MB: variants seen among roughly 807,000 people sequenced by gnomAD.
MB encodes myoglobin.
In MB, 10 loss-of-function variants were observed where a neutral mutation model predicts 14.5. The observed-to-expected ratio is 0.69, with a 90% confidence interval of 0.43 to 1.17. The LOEUF is 1.17. MB is among the 50% of genes most tolerant of loss of function. The pLI is 0.00. For missense variants in MB, 169 were observed against 192.7 expected, an observed-to-expected ratio of 0.88 and a Z score of 0.73; for synonymous variants, 89 against 78.6, an observed-to-expected ratio of 1.13 and a Z score of -0.70.
In MB at chr22:35,611,046, T is replaced by C. The variant is rs1601842466; in HGVS notation, c.156A>G (p.Ser52=). The C allele has an allele frequency of 6.2e-7, 1 of 1,614,172 alleles. No homozygotes were observed. The highest frequency in any genetic ancestry group is 8.5e-7 in the Non-Finnish European group (1 of 1,180,020). The change falls in exon 2 of 3, where the codon TCA becomes TCG. Residue 52 remains serine, a synonymous_variant. Transcript: ENST00000397326. ...CCTCAGACGCCTTCATCTCGTCCTC[T>C]GACTTCAGGTGCTTGAACTTGTCAA... The part of the protein sequence containing the change: ...EKFDKFKHLK[S]EDEMKASEDL...
intron 1 of MB, among the ~76,000 whole-genome samples, chr22:35,611,370 A>G (rs1922615521): frequency 6.6e-6 from 1 of 152,098 alleles, no homozygotes; most frequent in East Asian, 1.9e-4. Context: ...CATTTTACAG[A>G]TGTGGAAACC....
intron 1 of MB, among the ~76,000 whole-genome samples, chr22:35,616,521 T>C (rs975841549): frequency 1.3e-5 from 2 of 152,230 alleles, no homozygotes; most frequent in African/African-American, 4.8e-5. Flanking sequence ...TAATAGCTAC[T>C]AACATTTCTA....
In MB at chr22:35,617,188, C is replaced by CT; in HGVS notation, c.69dup (p.Gly24ArgfsTer12). ...CTGATGAGGACTTCCTGCCCATGGC[C>CT]TGGGATGTCAGCCTCCACCTTCCCC... On this transcript the variant is annotated frameshift_variant, in exon 1 of 3. Coordinates refer to ENST00000397326, the MANE Select transcript of MB (RefSeq NM_005368.3). LOFTEE classifies it high-confidence loss of function. 6.2e-7 allele frequency: 1 copy of CT among 1,614,094 alleles called. No homozygotes were observed. Among genetic ancestry groups the CT allele is most frequent in the South Asian group, 1.1e-5 (1 of 91,082 alleles).
intron 1 of MB, among the ~76,000 whole-genome samples, chr22:35,615,275 C>G (rs1392612786): frequency 6.6e-6 from 1 of 152,194 alleles, no homozygotes; most frequent in African/African-American, 2.4e-5. Flanking sequence ...ACCCTGCCCC[C>G]AGGGAGGCCA....
At chr22:35,618,495 C>T (rs1923245118), upstream of MB, among the ~76,000 whole-genome samples, 1 of 152,216 alleles carries the variant, frequency 6.6e-6, no homozygotes. Flanking sequence ...ACTTGTCCAT[C>T]CAGTTACTCA....
chr22:35,620,731 A>T (rs984230105), upstream of MB, among the ~76,000 whole-genome samples: 1 of 152,170 alleles, frequency 6.6e-6, no homozygotes, highest in African/African-American at 2.4e-5. Flanking sequence ...TGCCCTCCCG[A>T]GAGTGTCAGA....
At position 35,608,526 on chromosome 22, in the gene MB, C is replaced by T. The variant is rs551608706; in HGVS notation, c.319-1083G>A. On this transcript the variant is annotated intron_variant, in intron 2 of 2. Coordinates refer to ENST00000397326, the MANE Select transcript of MB (RefSeq NM_005368.3). The surrounding 1 kb of genome is among the most constrained non-coding windows in gnomAD (Gnocchi z 4.3). ...GAGGCCTCAAGAAGCATCAACACCC[C>T]ATAAGCCCCTCTGCTGGGAAAGAGG... Among the ~76,000 whole-genome samples the T allele has an allele frequency of 6.6e-6, 1 of 152,298 alleles. No homozygotes were observed. The highest frequency in any genetic ancestry group is 2.1e-4 in the South Asian group (1 of 4,820).
intron 1 of MB, among the ~76,000 whole-genome samples, chr22:35,611,341 G>A (rs1461828684): frequency 6.6e-6 from 1 of 152,206 alleles, no homozygotes; most frequent in East Asian, 1.9e-4. Flanking sequence ...CTGGCACATA[G>A]TGAGTGTCAT....
upstream of MB, among the ~76,000 whole-genome samples, chr22:35,619,223 A>G (rs1251190208): frequency 6.6e-6 from 1 of 152,220 alleles, no homozygotes; most frequent in Non-Finnish European, 1.5e-5. Context: ...AATACAGTAC[A>G]GTTTGTTTAG....
chr22:35,614,959 A>C (rs1922954648), intron 1 of MB, among the ~76,000 whole-genome samples: 1 of 152,204 alleles, frequency 6.6e-6, no homozygotes, highest in Non-Finnish European at 1.5e-5. Flanking sequence ...TTGAGTAAAG[A>C]AAGGAAAAAC....
intron 1 of MB, among the ~76,000 whole-genome samples, chr22:35,613,659 C>A (rs769056178): frequency 1.3e-4 from 17 of 135,550 alleles, no homozygotes; most frequent in South Asian, 2.6e-4. Flanking sequence ...CCACGCCCAG[C>A]TAATTTTGTT....
At chr22:35,618,739 T>C (rs966649312), upstream of MB, among the ~76,000 whole-genome samples, 1 of 151,436 alleles carries the variant, frequency 6.6e-6, no homozygotes, top group African/African-American at 2.4e-5. Flanking sequence ...CCTCCATCTA[T>C]CCATCTATCC....
In MB at chr22:35,610,997, C is replaced by T. The variant is rs760160691; in HGVS notation, c.205G>A (p.Val69Met). 5.3e-5 allele frequency: 85 copies of T among 1,613,758 alleles called. No homozygotes were observed. Among genetic ancestry groups the T allele is most frequent in the Non-Finnish European group, 6.9e-5 (81 of 1,179,744 alleles). ...AGGATGCCACCCAGGGCGGTGAGCA[C>T]GGTGGCACCATGCTTCTTTAAGTCC... Reference protein sequence around the residue: ...SEDLKKHGATVLTALGGILKK... With the variant: ...SEDLKKHGATMLTALGGILKK... Residue 69 changes from valine to methionine, a missense_variant, in exon 2 of 3, where the codon GTG (valine) becomes ATG (methionine). By Grantham distance (21) the Val-to-Met change is conservative. Transcript: ENST00000397326.
At chr22:35,621,327 C>A (rs943264097), upstream of MB, among the ~76,000 whole-genome samples, 21 of 152,154 alleles carry the variant, frequency 1.4e-4, no homozygotes, top group Non-Finnish European at 1.6e-4. Context: ...TCACAGGATC[C>A]TTTGAATCCA....
At chr22:35,607,707 C>T (rs994337183) in intron 2 of MB, among the ~76,000 whole-genome samples, 1 of 152,088 alleles carries the variant, frequency 6.6e-6, no homozygotes, top group African/African-American at 2.4e-5. Flanking sequence ...ACATTTGGAC[C>T]CAGGAGGGCC....
At chr22:35,620,425 T>C (rs1997882), upstream of MB, among the ~76,000 whole-genome samples, 116,800 of 152,190 alleles carry the variant, frequency 0.77, 45,766 homozygotes, top group East Asian at 0.94. Flanking sequence ...TTCATTCATT[T>C]GAAAGCCCAT....
At chr22:35,614,949 T>G (rs1922954333) in intron 1 of MB, among the ~76,000 whole-genome samples, 1 of 152,116 alleles carries the variant, frequency 6.6e-6, no homozygotes, top group Admixed American at 6.5e-5. Flanking sequence ...CAAAAAAGGT[T>G]TGAGTAAAGA....
chr22:35,618,302 T>C (rs899781925), upstream of MB, among the ~76,000 whole-genome samples: 1 of 152,198 alleles, frequency 6.6e-6, no homozygotes, highest in Non-Finnish European at 1.5e-5. Context: ...TCTGTTTTAT[T>C]AACCCACGTA....
chr22:35,610,773 G>A, intron 2 of MB, 111 bp downstream of exon 2: 2 of 798,454 alleles, frequency 2.5e-6, no homozygotes, highest in South Asian at 1.7e-5. Context: ...AGAGAAGAGT[G>A]GCATAGGTCA....
Sources: allele counts gnomAD v4.1 joint callset (sites outside exome capture counted in the v4.1 genomes callset), GRCh38; gene constraint gnomAD v4.1.1; non-coding constraint Gnocchi (gnomAD v3.1); transcripts MANE v1.5; gene names NCBI Gene and HGNC (gene_info 2026-07-23, HGNC 2026-07-21).